The following FMN1 variants were observed in gnomAD, a reference collection of about 807,000 sequenced individuals.
The protein encoded by FMN1 is formin-1.
A neutral mutation model predicts 132.4 loss-of-function variants in FMN1; 110 were observed. That is an observed-to-expected ratio of 0.83 (90% CI 0.71 to 0.97). The LOEUF (loss-of-function observed/expected upper bound fraction) is 0.97. Among genes scored for constraint, FMN1 ranks in the 50% least tolerant of loss-of-function variants. The pLI is 0.00. For missense variants in FMN1, 1,792 were observed against 1,705.3 expected, an observed-to-expected ratio of 1.05 and a Z score of -0.90; for synonymous variants, 722 against 651.7, an observed-to-expected ratio of 1.11 and a Z score of -1.64.
chr15:32,860,145 AAAGAGG>A (rs1283141390), intron 16 of FMN1, among the ~76,000 whole-genome samples: 2 of 142,680 alleles, frequency 1.4e-5, no homozygotes, highest in Non-Finnish European at 3.2e-5. Context: ...AGAGAAAGAA[AAAGAGG>A]AAGGAAGGAA....
chr15:32,888,738 A>T (rs1293954956), intron 15 of FMN1, among the ~76,000 whole-genome samples: 1 of 152,210 alleles, frequency 6.6e-6, no homozygotes, highest in East Asian at 1.9e-4. Flanking sequence ...AGGCACTGCA[A>T]TGGAAGATAC....
intron 10 of FMN1, among the ~76,000 whole-genome samples, chr15:32,910,775 T>C (rs2060541785): frequency 6.6e-6 from 1 of 152,204 alleles, no homozygotes; most frequent in Non-Finnish European, 1.5e-5. Context: ...TCTGAGTCCT[T>C]TCTGCAGTTT....
At chr15:32,961,722 T>C (rs1055254255) in intron 9 of FMN1, among the ~76,000 whole-genome samples, 1 of 151,784 alleles carries the variant, frequency 6.6e-6, no homozygotes, top group Non-Finnish European at 1.5e-5. Flanking sequence ...CATTGAATAA[T>C]TACTTAGAGA....
intron 3 of FMN1, among the ~76,000 whole-genome samples, chr15:33,163,451 T>C (rs955520816): frequency 6.6e-6 from 1 of 151,360 alleles, no homozygotes; most frequent in Non-Finnish European, 1.5e-5. Flanking sequence ...CGCACCACCA[T>C]GCCCGGCTAA....
At chr15:32,949,964 TACACAC>T (rs199751112) in intron 9 of FMN1, among the ~76,000 whole-genome samples, 973 of 33,264 alleles carry the variant, frequency 0.029, 189 homozygotes, top group African/African-American at 0.089. Context: ...TATATATATA[TACACAC>T]ATATATATAC....
At chr15:33,103,424 G>A (rs552210535) in intron 4 of FMN1, among the ~76,000 whole-genome samples, 97 of 152,154 alleles carry the variant, frequency 6.4e-4, no homozygotes, top group African/African-American at 2.2e-3. Flanking sequence ...AGCAGTGCCT[G>A]GCACCTATAG....
intron 15 of FMN1, 38 bp from the exon 16 acceptor site, chr15:32,888,330 CA>C (rs2059943364): frequency 6.6e-7 from 1 of 1,510,386 alleles, no homozygotes; most frequent in African/African-American, 1.4e-5. Flanking sequence ...TTATACTTCC[CA>C]ATTGTCACTT....
Position 33,128,786 on chromosome 15 carries a change from A to T in FMN1, c.1867+24262T>A, listed in dbSNP as rs147599896. On this transcript the variant is annotated intron_variant, in intron 4 of 20. Transcript: ENST00000616417. ...AAAAGTGGTATGGACCCAAACGGTG[A>T]GCAGCAGCAAGATTTACTGTCACGA... Among the ~76,000 whole-genome samples the T allele has an allele frequency of 2.0e-4, 30 of 152,364 alleles. No individual in the cohort carries two copies. In the East Asian group the frequency reaches 4.3e-3, roughly 22 times the overall value.
At chr15:32,947,069 C>T (rs1596324795) in intron 9 of FMN1, among the ~76,000 whole-genome samples, 1 of 152,114 alleles carries the variant, frequency 6.6e-6, no homozygotes, top group South Asian at 2.1e-4. Context: ...AATGTAGTCA[C>T]ATTTCATTAT....
intron 4 of FMN1, among the ~76,000 whole-genome samples, chr15:33,126,734 G>A (rs776553299): frequency 1.3e-5 from 2 of 152,194 alleles, no homozygotes; most frequent in Non-Finnish European, 2.9e-5. Context: ...AGGCAGGCTG[G>A]AGCAGAAACT....
intron 10 of FMN1, among the ~76,000 whole-genome samples, chr15:32,912,103 G>T (rs971014100): frequency 5.6e-4 from 86 of 152,308 alleles, no homozygotes; most frequent in African/African-American, 1.9e-3. Context: ...ATGTTTACAT[G>T]TTAACTAATC....
chr15:32,822,092 T>C (rs1412509728), intron 17 of FMN1, among the ~76,000 whole-genome samples: 1 of 152,198 alleles, frequency 6.6e-6, no homozygotes, highest in Non-Finnish European at 1.5e-5. Context: ...GAGATACCTG[T>C]AATCCCAGCA....
At chr15:32,968,626 T>C (rs2031465616) in intron 8 of FMN1, 88 bp downstream of exon 8, 8 of 1,573,392 alleles carry the variant, frequency 5.1e-6, no homozygotes, top group African/African-American at 1.4e-5. Flanking sequence ...TGCTACACTA[T>C]GGAGATATTG....
At chr15:33,086,783 C>T (rs1255833336) in intron 5 of FMN1, among the ~76,000 whole-genome samples, 1 of 152,260 alleles carries the variant, frequency 6.6e-6, no homozygotes, top group Non-Finnish European at 1.5e-5. Context: ...CTCATGTCAT[C>T]TCCTGCAGGA....
Position 32,774,355 on chromosome 15 carries a change from C to T in FMN1, c.4216-1G>A. 6.3e-7 allele frequency: 1 copy of T among 1,585,340 alleles called. No individual in the cohort carries two copies. Among genetic ancestry groups the T allele is most frequent in the Non-Finnish European group, 8.6e-7 (1 of 1,166,340 alleles). On this transcript the variant is annotated splice_acceptor_variant, in intron 20 of 20. Transcript: ENST00000616417. LOFTEE classifies it high-confidence loss of function. ...CTTCCTTCTGACGCAGTCTTTCTTT[C>T]TGTTAAGGAAAAAAAAATGAATGTA...
chr15:32,859,681 G>A (rs1010294206), intron 16 of FMN1, among the ~76,000 whole-genome samples: 1 of 152,142 alleles, frequency 6.6e-6, no homozygotes, highest in Non-Finnish European at 1.5e-5. Flanking sequence ...CATCATGCAG[G>A]ATTCATTTAC....
At chr15:33,128,712 G>A (rs59633863) in intron 4 of FMN1, among the ~76,000 whole-genome samples, 7,234 of 152,190 alleles carry the variant, frequency 0.048, 309 homozygotes, top group African/African-American at 0.12. Flanking sequence ...GGACCCTCAC[G>A]GTAAGTGTGA....
intron 4 of FMN1, among the ~76,000 whole-genome samples, chr15:33,139,456 G>A (rs1269148815): frequency 2.2e-5 from 3 of 137,202 alleles, no homozygotes; most frequent in Admixed American, 7.5e-5. Flanking sequence ...ATTAGCCGGT[G>A]TAGACACACC....
intron 7 of FMN1, among the ~76,000 whole-genome samples, chr15:32,984,432 G>C (rs956082149): frequency 6.6e-6 from 1 of 152,104 alleles, no homozygotes; most frequent in Non-Finnish European, 1.5e-5. Context: ...AATATAGTAA[G>C]CTGCAAATTC....
Sources: allele counts gnomAD v4.1 joint callset (sites outside exome capture counted in the v4.1 genomes callset), GRCh38; gene constraint gnomAD v4.1.1; transcripts MANE v1.5; gene names NCBI Gene and HGNC (gene_info 2026-07-23, HGNC 2026-07-21).